PAK2: variants seen among roughly 807,000 people sequenced by gnomAD.
PAK2 encodes serine/threonine-protein kinase PAK 2.
PAK2 carries 21 observed loss-of-function variants against 65.9 expected under a neutral mutation model. That is an observed-to-expected ratio of 0.32 (90% CI 0.23 to 0.46). The LOEUF is 0.46. Among genes scored for constraint, PAK2 ranks in the 20% least tolerant of loss-of-function variants. The pLI, the probability that PAK2 is intolerant of heterozygous loss-of-function variation, is 1.00. For missense variants in PAK2, 324 were observed against 642.6 expected, an observed-to-expected ratio of 0.50 and a Z score of 5.36; for synonymous variants, 204 against 219.7, an observed-to-expected ratio of 0.93 and a Z score of 0.63.
At chr3:196,770,911 C>T (rs1173942304) in intron 1 of PAK2, among the ~76,000 whole-genome samples, 2 of 152,042 alleles carry the variant, frequency 1.3e-5, no homozygotes, top group East Asian at 3.8e-4. Flanking sequence ...GCATGAGCCA[C>T]CATGCCTGGC....
intron 1 of PAK2, among the ~76,000 whole-genome samples, chr3:196,782,324 T>C (rs1242886534): frequency 6.6e-6 from 1 of 152,086 alleles, no homozygotes; most frequent in Non-Finnish European, 1.5e-5. Context: ...GATTTCATGT[T>C]GTCTGTCTTT....
At chr3:196,782,859 G>A (rs766422109) in intron 2 of PAK2, 26 bp downstream of exon 2, 1 of 1,500,782 alleles carries the variant, frequency 6.7e-7, no homozygotes, top group Non-Finnish European at 9.2e-7. Flanking sequence ...GGCTTTCAGA[G>A]TCTCAGCATT....
chr3:196,816,200 G>A (rs1394434559), intron 11 of PAK2, among the ~76,000 whole-genome samples: 1 of 152,114 alleles, frequency 6.6e-6, no homozygotes, highest in Non-Finnish European at 1.5e-5. Context: ...TCAGTGACAT[G>A]TGAATTACAA....
intron 1 of PAK2, among the ~76,000 whole-genome samples, chr3:196,759,904 T>C (rs1188519688): frequency 6.6e-6 from 1 of 152,104 alleles, no homozygotes; most frequent in Non-Finnish European, 1.5e-5. Flanking sequence ...TTGCACCACC[T>C]CAGAGAGAAA....
At chr3:196,810,693 C>A (rs1298254645) in intron 8 of PAK2, 40 bp downstream of exon 8, 2 of 1,001,604 alleles carry the variant, frequency 2.0e-6, no homozygotes, top group Admixed American at 1.8e-5. Context: ...ATTCAGTATT[C>A]AGTATTTCCT....
chr3:196,750,144 G>A (rs1052251879), intron 1 of PAK2, among the ~76,000 whole-genome samples: 3 of 151,798 alleles, frequency 2.0e-5, no homozygotes, highest in Admixed American at 1.3e-4. Context: ...CTGCCACCAC[G>A]CCTGGCTAAT....
intron 1 of PAK2, among the ~76,000 whole-genome samples, chr3:196,750,858 C>T (rs1713555855): frequency 6.6e-6 from 1 of 150,914 alleles, no homozygotes; most frequent in African/African-American, 2.4e-5. Context: ...TTAATTGTTG[C>T]TTTTTTTAAT....
intron 13 of PAK2, among the ~76,000 whole-genome samples, chr3:196,825,662 A>G (rs980483830): frequency 5.4e-4 from 82 of 152,244 alleles, no homozygotes; most frequent in African/African-American, 1.9e-3. Flanking sequence ...TAATAAATAA[A>G]TAAATAAATA....
chr3:196,832,204 C>T lies in PAK2; in HGVS notation c.*3799C>T, dbSNP rs1712113970. 6.6e-6 allele frequency: 1 copy of T among 152,102 alleles called. No individual in the cohort carries two copies. Among genetic ancestry groups the T allele is most frequent in the Non-Finnish European group, 1.5e-5 (1 of 68,016 alleles). The allele number at this position is 152,102 out of a possible 1,614,324, so 9.4% of individuals were successfully genotyped here. On this transcript the variant is annotated 3_prime_UTR_variant, in exon 15 of 15. Coordinates refer to ENST00000327134, the MANE Select transcript of PAK2 (RefSeq NM_002577.4). ...CAAGCACACTTCTGTTCTCTTAGAA[C>T]TTAGAAGTGTTTCTAAGAGAACAGA... is the stretch of plus-strand genomic sequence containing the variant.
chr3:196,765,468 G>A (rs1180097489), intron 1 of PAK2, among the ~76,000 whole-genome samples: 1 of 152,098 alleles, frequency 6.6e-6, no homozygotes, highest in Non-Finnish European at 1.5e-5. Flanking sequence ...TTCTAAAGTA[G>A]TTTTGCCAGT....
intron 1 of PAK2, among the ~76,000 whole-genome samples, chr3:196,774,606 A>G (rs1274078734): frequency 6.6e-6 from 1 of 152,240 alleles, no homozygotes; most frequent in African/African-American, 2.4e-5. Context: ...TATTTGAGGA[A>G]TATGAGGCAT....
chr3:196,807,744 T>G (rs778292926), intron 6 of PAK2, 38 bp from the exon 7 acceptor site: 10 of 1,217,832 alleles, frequency 8.2e-6, no homozygotes, highest in Non-Finnish European at 1.1e-5. Flanking sequence ...CTGAAAACAT[T>G]ATTCCTCAAA....
chr3:196,773,626 A>C (rs780090431), intron 1 of PAK2, among the ~76,000 whole-genome samples: 1 of 152,148 alleles, frequency 6.6e-6, no homozygotes, highest in Non-Finnish European at 1.5e-5. Context: ...TTGTAATCCC[A>C]GCACTTTGGG....
At chr3:196,741,089 CCTTT>C (rs1444257135) in intron 1 of PAK2, among the ~76,000 whole-genome samples, 1 of 152,080 alleles carries the variant, frequency 6.6e-6, no homozygotes, top group Admixed American at 6.5e-5. Context: ...GGCGATGTGT[CCTTT>C]CTTTGTTTTC....
chr3:196,744,438 CTG>C (rs1713303006), intron 1 of PAK2, among the ~76,000 whole-genome samples: 1 of 152,110 alleles, frequency 6.6e-6, no homozygotes, highest in Non-Finnish European at 1.5e-5. Context: ...CTTTGGGAGA[CTG>C]AGGCAGGAGG....
At chr3:196,811,745 G>A (rs988925733) in intron 8 of PAK2, among the ~76,000 whole-genome samples, 2 of 151,970 alleles carry the variant, frequency 1.3e-5, no homozygotes, top group Non-Finnish European at 2.9e-5. Context: ...TTAAAAATTA[G>A]ACAAAGTATA....
intron 14 of PAK2, 96 bp from the exon 15 acceptor site, chr3:196,828,223 G>A (rs1341425699): frequency 8.5e-6 from 6 of 706,958 alleles, no homozygotes; most frequent in South Asian, 5.0e-5. Flanking sequence ...AATTATGATC[G>A]ACAAGTAGTC....
In PAK2 at chr3:196,742,953, A is replaced by G. The variant is rs539817619; in HGVS notation, c.-22+2796A>G. On this transcript the variant is annotated intron_variant, in intron 1 of 14. Transcript: ENST00000327134. ...AGAAAAAGAAAAAGAAACTGGGTCA[A>G]CTTCAAGACTTTAAGTCGTAAAGGT... 6.6e-5 allele frequency among the ~76,000 whole-genome samples: 10 copies of G among 152,334 alleles called. No homozygotes were observed. The South Asian group carries it at 1.0e-3, about 16-fold the overall frequency.
intron 1 of PAK2, among the ~76,000 whole-genome samples, chr3:196,745,873 A>G (rs1713361362): frequency 6.6e-6 from 1 of 150,900 alleles, no homozygotes; most frequent in South Asian, 2.1e-4. Flanking sequence ...TGGTATTTTT[A>G]TTATCTTACT....
Sources: allele counts gnomAD v4.1 joint callset (sites outside exome capture counted in the v4.1 genomes callset), GRCh38; gene constraint gnomAD v4.1.1; transcripts MANE v1.5; gene names NCBI Gene and HGNC (gene_info 2026-07-23, HGNC 2026-07-21).